The following EPHA6 variants were observed in gnomAD, a reference collection of about 807,000 sequenced individuals.
The protein encoded by EPHA6 is ephrin type-A receptor 6.
Under a neutral mutation model 112.0 loss-of-function variants are expected in EPHA6, and 50 were observed. That is an observed-to-expected ratio of 0.45 (90% CI 0.36 to 0.56). The LOEUF (loss-of-function observed/expected upper bound fraction) is 0.56. EPHA6 is among the 20% of genes least tolerant of loss of function. The pLI is 0.00. For missense variants in EPHA6, 1,280 were observed against 1,417.4 expected, an observed-to-expected ratio of 0.90 and a Z score of 1.56; for synonymous variants, 529 against 490.7, an observed-to-expected ratio of 1.08 and a Z score of -1.03.
At chr3:97,536,306 CA>C (rs2107659300) in intron 11 of EPHA6, among the ~76,000 whole-genome samples, 1 of 152,218 alleles carries the variant, frequency 6.6e-6, no homozygotes, top group Admixed American at 6.5e-5. Flanking sequence ...AACCACACTT[CA>C]GAATACTGGG....
intron 9 of EPHA6, among the ~76,000 whole-genome samples, chr3:97,482,916 A>G (rs1254360206): frequency 1.3e-5 from 2 of 152,260 alleles, no homozygotes; most frequent in Admixed American, 1.3e-4. Flanking sequence ...CGATAGAAAG[A>G]TATATAAGAA....
chr3:97,632,585 G>A (rs1362672197), intron 13 of EPHA6, among the ~76,000 whole-genome samples: 2 of 151,956 alleles, frequency 1.3e-5, no homozygotes, highest in African/African-American at 4.8e-5. Context: ...TAAACTTGAG[G>A]ATTCAGCAAG....
rs1576403693 is a variant in EPHA6, at chr3:97,751,785, A to G, written c.*3084A>G. 6.6e-6 allele frequency among the ~76,000 whole-genome samples: 1 copy of G among 152,170 alleles called. No homozygotes were observed. The highest frequency in any genetic ancestry group is 1.9e-4 in the East Asian group (1 of 5,198). On this transcript the variant is annotated 3_prime_UTR_variant, in exon 18 of 18. Coordinates refer to ENST00000389672, the MANE Select transcript of EPHA6 (RefSeq NM_001080448.3). ...AATCTTTGATACCTAAAATATGCAT[A>G]TAGACTCACATACCTACTTTATTTT...
At chr3:96,907,212 G>A (rs983359380) in intron 2 of EPHA6, among the ~76,000 whole-genome samples, 5 of 151,722 alleles carry the variant, frequency 3.3e-5, no homozygotes, top group African/African-American at 1.2e-4. Context: ...TTAAACACAA[G>A]TAAATTATTT....
At chr3:96,952,596 T>C (rs1034476644) in intron 2 of EPHA6, among the ~76,000 whole-genome samples, 3 of 152,190 alleles carry the variant, frequency 2.0e-5, no homozygotes, top group South Asian at 4.1e-4. Context: ...AATAAAGTTA[T>C]TTTCTTATAA....
chr3:97,465,666 G>A (rs1324117060), intron 7 of EPHA6, among the ~76,000 whole-genome samples: 1 of 151,990 alleles, frequency 6.6e-6, no homozygotes, highest in African/African-American at 2.4e-5. Context: ...TTGGCATAAA[G>A]CAATAGCAGG....
At position 97,292,941 on chromosome 3, in the gene EPHA6, G is replaced by T. The variant is rs570130285; in HGVS notation, c.1606+48654G>T. Among the ~76,000 whole-genome samples, 67 of 151,962 alleles carry T rather than the reference G, an allele frequency of 4.4e-4. 1 individual carries two copies. The highest frequency in any genetic ancestry group is 1.5e-3 in the African/African-American group (62 of 41,426). On this transcript the variant is annotated intron_variant, in intron 5 of 17. Coordinates refer to ENST00000389672, the MANE Select transcript of EPHA6 (RefSeq NM_001080448.3). ...TGTGGTGGGTAGCACCTTTTTGCAGGCAGGTCATCTCACCGAGCATCCAGT... is the reference window on the plus strand; with the variant it reads ...TGTGGTGGGTAGCACCTTTTTGCAGTCAGGTCATCTCACCGAGCATCCAGT...
At chr3:96,983,989 T>A (rs907869638) in intron 2 of EPHA6, among the ~76,000 whole-genome samples, 2 of 152,198 alleles carry the variant, frequency 1.3e-5, no homozygotes, top group African/African-American at 4.8e-5. Flanking sequence ...TTCTTTGCGA[T>A]GGGTTCTAAC....
intron 5 of EPHA6, among the ~76,000 whole-genome samples, chr3:97,378,423 C>T (rs1559937907): frequency 6.6e-6 from 1 of 152,154 alleles, no homozygotes; most frequent in Non-Finnish European, 1.5e-5. Context: ...GGGTCGGAGC[C>T]CCCACGCAGA....
At chr3:97,315,444 G>A (rs2081777888) in intron 5 of EPHA6, among the ~76,000 whole-genome samples, 2 of 151,548 alleles carry the variant, frequency 1.3e-5, no homozygotes, top group South Asian at 2.1e-4. Flanking sequence ...ATATCTTCAC[G>A]GATCTCAGAA....
chr3:97,059,347 G>T (rs1175339029), intron 3 of EPHA6, among the ~76,000 whole-genome samples: 3 of 152,076 alleles, frequency 2.0e-5, no homozygotes, highest in Admixed American at 6.5e-5. Flanking sequence ...GATTGGAAAG[G>T]AAATCTCAGA....
In EPHA6 at chr3:96,913,161, TACACACACACACACAC is replaced by T. The variant is rs768422240; in HGVS notation, c.450+46309_450+46324del. Among the ~76,000 whole-genome samples, 1,045 of 123,236 alleles carry T rather than the reference TACACACACACACACAC, an allele frequency of 8.5e-3. 13 individuals carry two copies. The highest frequency in any genetic ancestry group is 0.028 in the African/African-American group (911 of 32,956). 80.8% of individuals were successfully genotyped at this position (123,236 alleles called of 152,430 possible). A position where few individuals can be genotyped will look rare whatever the true frequency, so the allele number is the denominator to read the frequency against. ...CTGGGCAACATAGTGAGACCCCGTC[TACACACACACACACAC>T]ACACACACACACACACACACACACA... is the stretch of plus-strand genomic sequence containing the variant. On this transcript the variant is annotated intron_variant, in intron 2 of 17. Coordinates refer to ENST00000389672, the MANE Select transcript of EPHA6 (RefSeq NM_001080448.3).
At chr3:97,037,910 G>A (rs2045166861) in intron 3 of EPHA6, among the ~76,000 whole-genome samples, 1 of 151,928 alleles carries the variant, frequency 6.6e-6, no homozygotes, top group Admixed American at 6.6e-5. Context: ...AAAAGATAGT[G>A]AAAAACTAGG....
intron 3 of EPHA6, among the ~76,000 whole-genome samples, chr3:97,189,810 A>C (rs558683749): frequency 6.6e-6 from 1 of 152,276 alleles, no homozygotes; most frequent in South Asian, 2.1e-4. Context: ...TCTACCAAAT[A>C]AACCATTTCT....
intron 2 of EPHA6, among the ~76,000 whole-genome samples, chr3:96,923,519 A>G (rs74891611): frequency 0.013 from 2,035 of 151,726 alleles, 44 homozygotes; most frequent in African/African-American, 0.044. Context: ...AATACCTTGT[A>G]GATGCTGGAT....
rs1194735081 is a variant in EPHA6 at position 97,498,618 on chromosome 3, G to A, written c.2200+14559G>A. ...TCACTTGTTGGTTGATGGAACAAAT[G>A]TTTATAGTACTGGAGATCAGTGGTT... On this transcript the variant is annotated intron_variant, in intron 10 of 17. Coordinates refer to ENST00000389672, the MANE Select transcript of EPHA6 (RefSeq NM_001080448.3). Among the ~76,000 whole-genome samples, 6 of 152,160 alleles carry A rather than the reference G, an allele frequency of 3.9e-5. No individual in the cohort carries two copies. In the South Asian group the frequency reaches 1.2e-3, roughly 32 times the overall value.
intron 2 of EPHA6, among the ~76,000 whole-genome samples, chr3:96,876,535 A>G (rs1418900916): frequency 1.3e-5 from 2 of 151,712 alleles, no homozygotes; most frequent in African/African-American, 4.8e-5. Context: ...GCTGAAGATC[A>G]ATTTATGTCC....
At chr3:96,843,286 T>A (rs1307892491) in intron 1 of EPHA6, among the ~76,000 whole-genome samples, 8 of 152,102 alleles carry the variant, frequency 5.3e-5, no homozygotes, top group Admixed American at 4.6e-4. Context: ...TTTGTTTTAA[T>A]GTTGTAAGAG....
In EPHA6 at chr3:96,987,610, C is replaced by T; in HGVS notation, c.731C>T (p.Thr244Ile). 1 of 1,613,092 alleles carries T rather than the reference C, an allele frequency of 6.2e-7. No individual in the cohort carries two copies. Among genetic ancestry groups the T allele is most frequent in the Non-Finnish European group, 8.5e-7 (1 of 1,179,168 alleles). ...FKPNQYTKID[T>I]IAADESFTQM... ...CCAAACCAGTATACAAAGATCGACA[C>T]AATTGCTGCTGATGAGAGTTTTACC... Residue 244 changes from threonine to isoleucine, a missense_variant, in exon 3 of 18, where the codon ACA becomes ATA. Physicochemically the swap from Thr to Ile is moderately conservative, Grantham distance 89. This residue lies in a region of EPHA6 where 878 missense variants were observed against 999.7 expected (regional missense o/e 0.88). Coordinates refer to ENST00000389672, the MANE Select transcript of EPHA6 (RefSeq NM_001080448.3).
Sources: allele counts gnomAD v4.1 joint callset (sites outside exome capture counted in the v4.1 genomes callset), GRCh38; gene constraint gnomAD v4.1.1; regional missense constraint gnomAD v4.1.1; transcripts MANE v1.5; gene names NCBI Gene and HGNC (gene_info 2026-07-23, HGNC 2026-07-21).